The following MEIS1 variants were observed in gnomAD, a reference collection of about 807,000 sequenced individuals.
MEIS1 encodes the protein Meis homeobox 1, also known as homeobox protein Meis1.
In MEIS1, 5 loss-of-function variants were observed where a neutral mutation model predicts 50.8. That is an observed-to-expected ratio of 0.10 (90% CI 0.05 to 0.21). MEIS1 has a LOEUF of 0.21. Among genes scored for constraint, MEIS1 ranks in the 10% least tolerant of loss-of-function variants. The probability of loss-of-function intolerance (pLI) is 1.00; values close to 1 mark genes in which losing one functional copy is unlikely to be tolerated. For missense variants in MEIS1, 318 were observed against 517.3 expected (o/e 0.61, Z 3.74); for synonymous variants, 176 against 179.3 (o/e 0.98, Z 0.15).
At chr2:66,456,764 G>A (rs1207220789) in intron 6 of MEIS1, among the ~76,000 whole-genome samples, 1 of 152,204 alleles carries the variant, frequency 6.6e-6, no homozygotes, top group African/African-American at 2.4e-5. Flanking sequence ...TGTGAGGGAG[G>A]TAGCCTTTTA....
At chr2:66,445,574 G>A (rs1275164505) in intron 6 of MEIS1, among the ~76,000 whole-genome samples, 2 of 152,204 alleles carry the variant, frequency 1.3e-5, no homozygotes, top group Non-Finnish European at 2.9e-5. Flanking sequence ...GTGCGCTCCG[G>A]GACTGGGCGC....
intron 7 of MEIS1, among the ~76,000 whole-genome samples, chr2:66,473,364 G>C (rs1255511653): frequency 8.8e-6 from 1 of 113,258 alleles, no homozygotes; most frequent in East Asian, 2.4e-4. Flanking sequence ...GGTAACAAGA[G>C]TGAGACTCCA....
At chr2:66,436,952 C>T (rs187728053) in intron 1 of MEIS1, 62 of 981,032 alleles carry the variant, frequency 6.3e-5, no homozygotes, top group Non-Finnish European at 4.5e-5. Flanking sequence ...TGGTGAGTAA[C>T]ATTTGCCTCC....
chr2:66,503,444 G>A (rs1673605158), intron 7 of MEIS1, among the ~76,000 whole-genome samples: 1 of 152,110 alleles, frequency 6.6e-6, no homozygotes, highest in African/African-American at 2.4e-5. Context: ...TTTAGATTTT[G>A]GCTCAAGATC....
chr2:66,492,146 G>T (rs1673289623), intron 7 of MEIS1, among the ~76,000 whole-genome samples: 1 of 149,472 alleles, frequency 6.7e-6, no homozygotes, highest in African/African-American at 2.5e-5. Context: ...GGCTAGAGGG[G>T]GTTCCTCTAT....
At chr2:66,480,594 A>G (rs934121845) in intron 7 of MEIS1, among the ~76,000 whole-genome samples, 2 of 152,062 alleles carry the variant, frequency 1.3e-5, no homozygotes, top group East Asian at 3.9e-4. Flanking sequence ...TCTGTTTTTC[A>G]AAGTGCAAAT....
intron 8 of MEIS1, among the ~76,000 whole-genome samples, chr2:66,540,924 T>C (rs1017050985): frequency 6.6e-6 from 1 of 152,160 alleles, no homozygotes; most frequent in African/African-American, 2.4e-5. Context: ...AATATAAGTA[T>C]CTGACTTCTT....
chr2:66,525,247 A>G (rs1674221990), intron 8 of MEIS1, among the ~76,000 whole-genome samples: 1 of 151,970 alleles, frequency 6.6e-6, no homozygotes, highest in South Asian at 2.1e-4. Flanking sequence ...AAACAAACAA[A>G]CAAAAACAGT....
At chr2:66,540,948 C>T (rs962345265) in intron 8 of MEIS1, among the ~76,000 whole-genome samples, 3 of 151,972 alleles carry the variant, frequency 2.0e-5, no homozygotes, top group African/African-American at 7.2e-5. Context: ...TTAGTGTTTT[C>T]ATTTTCTATT....
At position 66,435,541 on chromosome 2, in the gene MEIS1, C is replaced by G. The variant is rs1040816727; in HGVS notation, c.-316C>G. 2.9e-5 allele frequency: 11 copies of G among 385,762 alleles called. No homozygotes were observed. The highest frequency in any genetic ancestry group is 7.5e-5 in the East Asian group (2 of 26,564). The allele number at this position is 385,762 out of a possible 1,614,324, so 23.9% of individuals were successfully genotyped here. The stretch of plus-strand genomic sequence containing the variant: ...GGTCTGAGGGGCGCTCTTTTTTTTC[C>G]TTTTCTTTCTTTCTTTCTTTTTTTT... On this transcript the variant is annotated 5_prime_UTR_variant, in exon 1 of 13. Transcript: ENST00000272369.
chr2:66,443,110 C>T, intron 6 of MEIS1, 62 bp downstream of exon 6: 1 of 1,507,806 alleles, frequency 6.6e-7, no homozygotes, highest in South Asian at 1.3e-5. Context: ...ATATTGCTTG[C>T]TGGGTCACTA....
intron 7 of MEIS1, among the ~76,000 whole-genome samples, chr2:66,505,375 C>T (rs112898062): frequency 8.6e-5 from 13 of 151,980 alleles, no homozygotes; most frequent in African/African-American, 2.9e-4. Context: ...CACTACAGTA[C>T]AGTATGGGTA....
intron 6 of MEIS1, among the ~76,000 whole-genome samples, chr2:66,461,247 A>G (rs1222545038): frequency 6.6e-6 from 1 of 152,170 alleles, no homozygotes; most frequent in African/African-American, 2.4e-5. Context: ...GTGTAACCGC[A>G]TATAGTCACA....
intron 7 of MEIS1, among the ~76,000 whole-genome samples, chr2:66,467,930 C>T (rs1672678943): frequency 6.6e-6 from 1 of 152,166 alleles, no homozygotes; most frequent in African/African-American, 2.4e-5. Flanking sequence ...TTGTTTACTC[C>T]ATAACTTCCT....
chr2:66,523,738 T>TA (rs1337806446), intron 8 of MEIS1, among the ~76,000 whole-genome samples: 12 of 152,236 alleles, frequency 7.9e-5, no homozygotes, highest in Non-Finnish European at 1.3e-4. Context: ...ACAAATGCTG[T>TA]ATTTTACATT....
chr2:66,472,122 A>G, intron 7 of MEIS1, among the ~76,000 whole-genome samples: 1 of 152,142 alleles, frequency 6.6e-6, no homozygotes, highest in East Asian at 1.9e-4. Flanking sequence ...TTCAGGCCAG[A>G]TCTCCCAGGC....
chr2:66,529,225 T>C (rs1418198105), intron 8 of MEIS1, among the ~76,000 whole-genome samples: 1 of 152,202 alleles, frequency 6.6e-6, no homozygotes, highest in Non-Finnish European at 1.5e-5. Flanking sequence ...TGTGCCTTTC[T>C]ATCTAGAGGT....
chr2:66,530,880 C>T (rs1222872201), intron 8 of MEIS1, among the ~76,000 whole-genome samples: 3 of 152,166 alleles, frequency 2.0e-5, no homozygotes, highest in South Asian at 2.1e-4. Context: ...TCTTTCAGTA[C>T]TGGTTGTATA....
At chr2:66,550,651 C>T (rs1015083999) in intron 9 of MEIS1, among the ~76,000 whole-genome samples, 2 of 151,978 alleles carry the variant, frequency 1.3e-5, no homozygotes, top group Non-Finnish European at 2.9e-5. Context: ...CATATGCCAC[C>T]ATGCCCAGTT....
Sources: gnomAD v4.1 joint callset for allele counts (sites outside exome capture counted in the v4.1 genomes callset) on GRCh38, gnomAD v4.1.1 for gene constraint, MANE v1.5 for transcripts, NCBI Gene and HGNC (gene_info 2026-07-23, HGNC 2026-07-21) for gene names.